Variants in GNB1L observed in about 807,000 individuals in gnomAD.
GNB1L encodes the protein guanine nucleotide-binding protein subunit beta-like protein 1.
In GNB1L, 20 loss-of-function variants were observed where a neutral mutation model predicts 29.1. The ratio of observed to expected loss-of-function variants is 0.69; its 90% CI spans 0.48 to 1.00. The LOEUF (loss-of-function observed/expected upper bound fraction) is 1.00, where lower values mean the gene tolerates loss of function less well. Among genes scored for constraint, GNB1L ranks in the 50% least tolerant of loss-of-function variants. GNB1L has a pLI of 0.00. For missense variants in GNB1L, 421 were observed against 464.9 expected (o/e 0.91, Z 0.87); for synonymous variants, 193 against 206.5 (o/e 0.93, Z 0.56).
At chr22:19,811,175 T>C (rs999230960) in intron 5 of GNB1L, among the ~76,000 whole-genome samples, 18 of 152,208 alleles carry the variant, frequency 1.2e-4, no homozygotes, top group Non-Finnish European at 1.6e-4. Context: ...TTAAATGCAA[T>C]GAACAAATAA....
At chr22:19,825,993 G>C (rs893919999) in intron 2 of GNB1L, among the ~76,000 whole-genome samples, 3 of 152,190 alleles carry the variant, frequency 2.0e-5, no homozygotes, top group Admixed American at 1.3e-4. Flanking sequence ...AATATTAAAC[G>C]CATCACTAAG....
chr22:19,852,666 G>C (rs1938137236), intron 2 of GNB1L, among the ~76,000 whole-genome samples: 2 of 152,216 alleles, frequency 1.3e-5, no homozygotes, highest in African/African-American at 4.8e-5. Context: ...CTATGACATT[G>C]CAAGGGCAAG....
chr22:19,846,506 A>G, intron 2 of GNB1L: 2 of 985,486 alleles, frequency 2.0e-6, no homozygotes, highest in Non-Finnish European at 2.4e-6. Context: ...AGACCACAGA[A>G]GCCTGCCCAA....
chr22:19,846,747 A>T, intron 2 of GNB1L: 4 of 364,450 alleles, frequency 1.1e-5, no homozygotes, highest in Non-Finnish European at 1.5e-5. Context: ...AGACACAGAC[A>T]GGGACACGGC....
chr22:19,841,677 A>G (rs890012903), intron 2 of GNB1L, among the ~76,000 whole-genome samples: 2 of 152,202 alleles, frequency 1.3e-5, no homozygotes, highest in Non-Finnish European at 2.9e-5. Context: ...CAACTTTTAC[A>G]CGCTTTTCCC....
rs758140260 is a variant in GNB1L, at chr22:19,821,243, G to A, written c.113C>T (p.Pro38Leu). ...AGCTACTCACCCTGAGAAGAGGAGC[G>A]GGCGCCCCTGAGCCTGGGCTCCTTC... The part of the protein sequence containing the change: ...FCEGAQAQGR[P>L]LLFSGSQSGL... The change falls in exon 3 of 8, where the codon CCG becomes CTG. Residue 38 changes from proline (P) to leucine (L), a missense_variant. By Grantham distance (98) the Pro-to-Leu change is moderately conservative. Coordinates refer to ENST00000329517, the MANE Select transcript of GNB1L (RefSeq NM_053004.3). 14 of 1,610,984 alleles carry A rather than the reference G, an allele frequency of 8.7e-6. No individual in the cohort carries two copies. The highest frequency in any genetic ancestry group is 2.7e-5 in the African/African-American group (2 of 74,884).
At chr22:19,843,461 CCCCGGGCAGCAAGTGCACAG>C (rs1365658711) in intron 2 of GNB1L, among the ~76,000 whole-genome samples, 1 of 152,210 alleles carries the variant, frequency 6.6e-6, no homozygotes, top group Admixed American at 6.5e-5. Context: ...AGGCACCGCC[CCCCGGGCAGCAAGTGCACAG>C]CCCAACCCCA....
chr22:19,814,006 G>C lies in GNB1L; in HGVS notation c.255-1559C>G, dbSNP rs140070733. Among the ~76,000 whole-genome samples the C allele has an allele frequency of 4.4e-3, 667 of 152,262 alleles. 6 individuals are homozygous for C. Among genetic ancestry groups the C allele is most frequent in the Non-Finnish European group, 6.9e-3 (470 of 68,016 alleles). On this transcript the variant is annotated intron_variant, in intron 4 of 7. Coordinates refer to ENST00000329517, the MANE Select transcript of GNB1L (RefSeq NM_053004.3). ...AAAAAATAAAATAAAAATAAAAAAG[G>C]ATCGGGGATGTCAGAAGGACACGGA...
intron 7 of GNB1L, chr22:19,792,503 C>T: frequency 6.4e-7 from 1 of 1,552,774 alleles, no homozygotes; most frequent in South Asian, 1.1e-5. Flanking sequence ...GAGCCATCCT[C>T]TATAAGCGGC....
intron 2 of GNB1L, chr22:19,851,722 T>C (rs764446149): frequency 1.9e-6 from 3 of 1,605,130 alleles, no homozygotes; most frequent in Non-Finnish European, 2.6e-6. Flanking sequence ...TGTTCGGGTC[T>C]TGAACAACTT....
Position 19,793,167 on chromosome 22 carries a change from A to C in GNB1L, c.733-4207T>G. 3 of 957,028 alleles carry C rather than the reference A, an allele frequency of 3.1e-6. No individual in the cohort carries two copies. The South Asian group carries it at 4.7e-5, about 15-fold the overall frequency. The allele number at this position is 957,028 out of a possible 1,614,324, so 59.3% of individuals were successfully genotyped here. On this transcript the variant is annotated intron_variant, in intron 7 of 7. Transcript: ENST00000329517. ...AAATTTTCCTTCAAAAAAAAAATGAAAGGAAAGTGTATTCAAATAATTACC... is the reference window on the plus strand; with the variant it reads ...AAATTTTCCTTCAAAAAAAAAATGACAGGAAAGTGTATTCAAATAATTACC...
rs76085291 is a variant in GNB1L, at chr22:19,849,168, C to T, written c.-21+5275G>A. ...TGGGTTTCTTCTGCCAGCTCACTTG[C>T]TTTGCTACCAGGGCTATACCTGCTT... On this transcript the variant is annotated intron_variant, in intron 2 of 7. Coordinates refer to ENST00000329517, the MANE Select transcript of GNB1L (RefSeq NM_053004.3). 2,132 of 985,402 alleles carry T rather than the reference C, an allele frequency of 2.2e-3. 43 individuals carry two copies. In the African/African-American group the frequency reaches 0.032, roughly 15 times the overall value. 61.0% of individuals were successfully genotyped at this position (985,402 alleles called of 1,614,324 possible).
intron 6 of GNB1L, 64 bp downstream of exon 6, chr22:19,806,595 T>C (rs1937437422): frequency 3.0e-6 from 3 of 991,756 alleles, no homozygotes; most frequent in East Asian, 5.0e-5. Flanking sequence ...AGATCCTGAA[T>C]GGAGCATGAC....
intron 6 of GNB1L, 25 bp downstream of exon 6, chr22:19,806,634 G>A (rs774760379): frequency 2.7e-5 from 39 of 1,468,866 alleles, no homozygotes; most frequent in Middle Eastern, 1.8e-4. Flanking sequence ...CCGGCAGGGC[G>A]TGGCTGGTGC....
chr22:19,788,758 C>T lies in GNB1L; in HGVS notation c.935G>A (p.Gly312Asp), dbSNP rs1937216944. 7 of 1,611,674 alleles carry T rather than the reference C, an allele frequency of 4.3e-6. No homozygotes were observed. Among genetic ancestry groups the T allele is most frequent in the South Asian group, 1.1e-5 (1 of 91,038 alleles). ...AFTADGLLAA[G>D]SKDQRISLWS... ...GAGGCTGATCCGCTGATCCTTGGAG[C>T]CCGCGGCCAGCAAGCCATCGGCGGT... is the stretch of plus-strand genomic sequence containing the variant. Residue 312 changes from glycine to aspartate, a missense_variant, in exon 8 of 8, where the codon GGC becomes GAC. Coordinates refer to ENST00000329517, the MANE Select transcript of GNB1L (RefSeq NM_053004.3).
intron 2 of GNB1L, chr22:19,852,097 G>A (rs925619254): frequency 1.5e-5 from 25 of 1,614,202 alleles, no homozygotes; most frequent in Non-Finnish European, 2.0e-5. Context: ...GCACACACAC[G>A]GTGTCCCCAC....
At chr22:19,832,890 C>A (rs1479162746) in intron 2 of GNB1L, among the ~76,000 whole-genome samples, 1 of 152,194 alleles carries the variant, frequency 6.6e-6, no homozygotes, top group Non-Finnish European at 1.5e-5. Flanking sequence ...GGGAAGTAAA[C>A]CAACACTCAA....
chr22:19,798,454 G>A (rs968183332), intron 7 of GNB1L, among the ~76,000 whole-genome samples: 5 of 152,228 alleles, frequency 3.3e-5, no homozygotes, highest in African/African-American at 9.6e-5. Flanking sequence ...AAGCCACTGG[G>A]GCCTGCTCAG....
intron 2 of GNB1L, chr22:19,850,815 G>A (rs2145905724): frequency 7.7e-7 from 1 of 1,295,256 alleles, no homozygotes; most frequent in Non-Finnish European, 9.7e-7. Context: ...CAAGGGGGGT[G>A]TTTTATGGGG....
Sources: allele counts gnomAD v4.1 joint callset (sites outside exome capture counted in the v4.1 genomes callset), GRCh38; gene constraint gnomAD v4.1.1; transcripts MANE v1.5; gene names NCBI Gene and HGNC (gene_info 2026-07-23, HGNC 2026-07-21).